VPS13D: variants seen among roughly 807,000 people sequenced by gnomAD.
VPS13D encodes the protein vacuolar protein sorting 13 homolog D.
Under a neutral mutation model 461.9 loss-of-function variants are expected in VPS13D, and 187 were observed. That is an observed-to-expected ratio of 0.40 (90% CI 0.36 to 0.46). VPS13D has a LOEUF of 0.46. VPS13D is among the 20% of genes least tolerant of loss of function. The probability of loss-of-function intolerance (pLI) is 0.60; values close to 1 mark genes in which losing one functional copy is unlikely to be tolerated. For missense variants in VPS13D, 4,711 were observed against 5,364.9 expected (o/e 0.88, Z 3.81); for synonymous variants, 1,951 against 1,986.3 (o/e 0.98, Z 0.47).
intron 55 of VPS13D, among the ~76,000 whole-genome samples, 165 bp from the exon 56 acceptor site, chr1:12,378,263 G>A (rs1644228177): frequency 6.6e-6 from 1 of 152,230 alleles, no homozygotes; most frequent in African/African-American, 2.4e-5. Context: ...ACAAAAGATA[G>A]ATAACCATGA....
intron 67 of VPS13D, among the ~76,000 whole-genome samples, chr1:12,462,250 G>A (rs1160535840): frequency 2.0e-5 from 3 of 152,212 alleles, no homozygotes; most frequent in Admixed American, 2.0e-4. Flanking sequence ...AAGGTGATGG[G>A]GAGAAGGAGG....
At chr1:12,253,114 T>C (rs1640793042) in intron 6 of VPS13D, among the ~76,000 whole-genome samples, 1 of 149,544 alleles carries the variant, frequency 6.7e-6, no homozygotes, top group South Asian at 2.1e-4. Flanking sequence ...GCCGAGATCG[T>C]GCCGTTGTAC....
At chr1:12,327,526 G>A (rs1470764403) in intron 35 of VPS13D, 122 bp from the exon 36 acceptor site, 1 of 638,500 alleles carries the variant, frequency 1.6e-6, no homozygotes, top group African/African-American at 2.2e-5. Flanking sequence ...ATACTTCTGG[G>A]ATCAAGGCTC....
At chr1:12,321,097 G>C (rs1643022642) in intron 32 of VPS13D, among the ~76,000 whole-genome samples, 1 of 151,992 alleles carries the variant, frequency 6.6e-6, no homozygotes, top group South Asian at 2.1e-4. Flanking sequence ...TCCTAGAACT[G>C]GAGTCCTTTC....
At position 12,460,301 on chromosome 1, in the gene VPS13D, T is replaced by C. The variant is rs896828967; in HGVS notation, c.12567T>C (p.Leu4189=). 1.9e-6 allele frequency: 3 copies of C among 1,612,518 alleles called. No individual in the cohort carries two copies. The highest frequency in any genetic ancestry group is 1.7e-5 in the Admixed American group (1 of 59,784). Residue 4189 remains leucine, a synonymous_variant, in exon 67 of 70, where the codon CTT becomes CTC. Transcript: ENST00000620676. ...SGFISGLGKG[L]VGTVTKPVAG... ...TCATATCTGGCCTTGGAAAAGGGCT[T>C]GTTGGCACTGTAACCAAGCCAGTGG... is the stretch of plus-strand genomic sequence containing the variant.
At chr1:12,477,413 C>T (rs1169363742) in intron 67 of VPS13D, among the ~76,000 whole-genome samples, 1 of 152,134 alleles carries the variant, frequency 6.6e-6, no homozygotes, top group Non-Finnish European at 1.5e-5. Context: ...TGTGACAAAC[C>T]ATAGACTCAC....
intron 68 of VPS13D, among the ~76,000 whole-genome samples, 166 bp from the exon 69 acceptor site, chr1:12,506,687 A>G (rs1480703556): frequency 6.6e-6 from 1 of 152,270 alleles, no homozygotes; most frequent in Non-Finnish European, 1.5e-5. Flanking sequence ...CTCACAGAAA[A>G]ACAACAAACA....
At chr1:12,355,758 GAA>G (rs1643880104) in intron 47 of VPS13D, 139 bp from the exon 48 acceptor site, 1 of 838,586 alleles carries the variant, frequency 1.2e-6, no homozygotes, top group Non-Finnish European at 1.7e-6. Flanking sequence ...TAGCTAGAGA[GAA>G]AGAGCCATTC....
At chr1:12,479,178 A>G (rs1443525333) in intron 67 of VPS13D, among the ~76,000 whole-genome samples, 1 of 152,226 alleles carries the variant, frequency 6.6e-6, no homozygotes, top group Non-Finnish European at 1.5e-5. Flanking sequence ...CACTGCATTG[A>G]GGAAATGGGC....
In VPS13D at chr1:12,288,329, T is replaced by A. The variant is rs751432352; in HGVS notation, c.5725+16T>A. On this transcript the variant is annotated intron_variant, in intron 22 of 69. Transcript: ENST00000620676. ...GAAATGATTGGTAAGTGGTGGGGGG[T>A]GGAGGGAAGCAAACTTGCAAAATCT... The A allele has an allele frequency of 8.1e-6, 13 of 1,611,730 alleles. No homozygotes were observed. The African/African-American group carries it at 1.5e-4, about 18-fold the overall frequency.
intron 60 of VPS13D, 125 bp downstream of exon 60, chr1:12,386,459 T>C (rs988260054): frequency 8.7e-7 from 1 of 1,149,940 alleles, no homozygotes; most frequent in Non-Finnish European, 1.2e-6. Flanking sequence ...CTTCAAAAAA[T>C]CATTCTGTGA....
chr1:12,366,595 G>C (rs951637297), intron 52 of VPS13D, among the ~76,000 whole-genome samples: 4 of 152,178 alleles, frequency 2.6e-5, no homozygotes, highest in Non-Finnish European at 4.4e-5. Flanking sequence ...GTTTGGAGGA[G>C]GAGGAGGATG....
At chr1:12,239,832 C>T (rs1640286234) in intron 2 of VPS13D, among the ~76,000 whole-genome samples, 2 of 152,004 alleles carry the variant, frequency 1.3e-5, no homozygotes, top group South Asian at 2.1e-4. Context: ...ATGAGACATC[C>T]GTGAGTAAGT....
At chr1:12,429,596 C>T (rs1208506412) in intron 65 of VPS13D, among the ~76,000 whole-genome samples, 1 of 152,212 alleles carries the variant, frequency 6.6e-6, no homozygotes, top group Non-Finnish European at 1.5e-5. Context: ...TTAGCCCATA[C>T]AAACTTTTTA....
intron 1 of VPS13D, among the ~76,000 whole-genome samples, chr1:12,230,842 C>T (rs1299964138): frequency 6.6e-6 from 1 of 152,114 alleles, no homozygotes; most frequent in Non-Finnish European, 1.5e-5. Context: ...GGCGCCGTTC[C>T]CTCCAGGTTT....
In VPS13D at chr1:12,232,263, G is replaced by A. The variant is rs184909613; in HGVS notation, c.-76-1928G>A. On this transcript the variant is annotated intron_variant, in intron 1 of 69. Coordinates refer to ENST00000620676, the MANE Select transcript of VPS13D (RefSeq NM_015378.4). ...AAGTTAATCTTCTCTGGAAGTACAA[G>A]ATATTGTTGACAAACAAAAGCCAGT... Among the ~76,000 whole-genome samples, 16 of 152,252 alleles carry A rather than the reference G, an allele frequency of 1.1e-4. No homozygotes were observed. The East Asian group carries it at 2.9e-3, about 28-fold the overall frequency.
At chr1:12,321,290 T>A (rs1643028676) in intron 32 of VPS13D, among the ~76,000 whole-genome samples, 1 of 152,208 alleles carries the variant, frequency 6.6e-6, no homozygotes, top group Non-Finnish European at 1.5e-5. Context: ...GGGAAAATAA[T>A]CATATATGAT....
intron 10 of VPS13D, among the ~76,000 whole-genome samples, chr1:12,259,890 T>C (rs1398023691): frequency 6.6e-6 from 1 of 152,108 alleles, no homozygotes; most frequent in African/African-American, 2.4e-5. Context: ...TGGTCCTGGG[T>C]TTCAGGAAGA....
intron 65 of VPS13D, among the ~76,000 whole-genome samples, chr1:12,448,003 T>C (rs148729807): frequency 3.3e-5 from 5 of 152,194 alleles, no homozygotes; most frequent in African/African-American, 1.2e-4. Flanking sequence ...AGAGCACTCA[T>C]TGGAAGAAAG....
Sources: gnomAD v4.1 joint callset for allele counts (sites outside exome capture counted in the v4.1 genomes callset) on GRCh38, gnomAD v4.1.1 for gene constraint, MANE v1.5 for transcripts, NCBI Gene and HGNC (gene_info 2026-07-23, HGNC 2026-07-21) for gene names.